The following CCDC148 variants were observed in gnomAD, a reference collection of about 807,000 sequenced individuals.
CCDC148 encodes the protein coiled-coil domain-containing protein 148.
A neutral mutation model predicts 85.7 loss-of-function variants in CCDC148; 89 were observed. That is an observed-to-expected ratio of 1.04 (90% CI 0.87 to 1.24). The LOEUF is 1.24. Among genes scored for constraint, CCDC148 ranks in the 50% most tolerant of loss-of-function variants. CCDC148 has a pLI of 0.00. For synonymous variants in CCDC148, 230 were observed against 213.9 expected (o/e 1.08, Z -0.66); for missense variants, 692 against 671.7 (o/e 1.03, Z -0.33).
chr2:158,411,879 T>TCTGTAA (rs1278751289), intron 1 of CCDC148, among the ~76,000 whole-genome samples: 1 of 151,972 alleles, frequency 6.6e-6, no homozygotes, highest in Admixed American at 6.6e-5. Context: ...ACTAGCTGGG[T>TCTGTAA]GGGATGTGCA....
chr2:158,254,631 A>C (rs117439871), intron 9 of CCDC148, among the ~76,000 whole-genome samples: 12,460 of 151,688 alleles, frequency 0.082, 707 homozygotes, highest in Admixed American at 0.16. Flanking sequence ...AGGAAGGAAG[A>C]TCTGTAATAC....
intron 1 of CCDC148, among the ~76,000 whole-genome samples, chr2:158,423,170 C>G (rs1030954495): frequency 6.6e-6 from 1 of 152,030 alleles, no homozygotes; most frequent in Admixed American, 6.6e-5. Context: ...GTAATTTATA[C>G]ATTCAATGCC....
At chr2:158,455,807 T>C (rs1199494364) in intron 1 of CCDC148, among the ~76,000 whole-genome samples, 1 of 152,198 alleles carries the variant, frequency 6.6e-6, no homozygotes, top group Admixed American at 6.5e-5. Context: ...AAAAAACAAT[T>C]AGTATTGATA....
chr2:158,388,057 T>C (rs1685162405), intron 1 of CCDC148, among the ~76,000 whole-genome samples: 1 of 152,136 alleles, frequency 6.6e-6, no homozygotes, highest in Non-Finnish European at 1.5e-5. Context: ...GGAAACTGGG[T>C]AGAGGAAACA....
intron 7 of CCDC148, among the ~76,000 whole-genome samples, chr2:158,326,404 G>A (rs184510208): frequency 6.6e-6 from 1 of 151,950 alleles, no homozygotes. Flanking sequence ...TAACACTACT[G>A]TGTATAATAT....
intron 1 of CCDC148, among the ~76,000 whole-genome samples, chr2:158,413,085 A>G (rs2105316322): frequency 6.6e-6 from 1 of 152,226 alleles, no homozygotes; most frequent in Non-Finnish European, 1.5e-5. Context: ...ACAAGGTACT[A>G]AAATAAACTT....
intron 1 of CCDC148, among the ~76,000 whole-genome samples, chr2:158,448,249 C>T (rs753383425): frequency 1.4e-4 from 21 of 152,160 alleles, no homozygotes; most frequent in Admixed American, 3.9e-4. Context: ...GCCAATATTA[C>T]ATCCTATTAT....
intron 11 of CCDC148, among the ~76,000 whole-genome samples, chr2:158,181,690 G>A (rs1684910905): frequency 6.6e-6 from 1 of 152,118 alleles, no homozygotes; most frequent in African/African-American, 2.4e-5. Flanking sequence ...AGCATTTGAA[G>A]GCCCAGAGGT....
intron 10 of CCDC148, among the ~76,000 whole-genome samples, chr2:158,236,725 T>A (rs1438916781): frequency 3.3e-5 from 5 of 152,198 alleles, no homozygotes; most frequent in Non-Finnish European, 7.3e-5. Flanking sequence ...ACCTCTCAGC[T>A]TGGCATGCTT....
chr2:158,307,484 A>C (rs890809459), intron 9 of CCDC148, among the ~76,000 whole-genome samples: 1 of 152,230 alleles, frequency 6.6e-6, no homozygotes, highest in African/African-American at 2.4e-5. Context: ...TTGGAAAACT[A>C]TTTGGCAGTA....
At chr2:158,364,683 A>G (rs137978512) in intron 1 of CCDC148, among the ~76,000 whole-genome samples, 1 of 152,358 alleles carries the variant, frequency 6.6e-6, no homozygotes, top group East Asian at 1.9e-4. Context: ...AAAGACTTAA[A>G]TATAAGACCT....
In CCDC148 at chr2:158,309,537, C is replaced by T; in HGVS notation, c.1006G>A (p.Ala336Thr). The change falls in exon 9 of 14, where the codon GCT (alanine) becomes ACT (threonine). Residue 336 changes from alanine (A) to threonine (T), a missense_variant. Transcript: ENST00000283233. ...CAAGCCTCAGTGAGTGTCAGCACAG[C>T]CTTCTGTATAAAGTCTTTCTTATTT... The part of the protein sequence containing the change: ...NKNKKDFIQK[A>T]VLTLTEACAT... 1.6e-5 allele frequency: 26 copies of T among 1,613,770 alleles called. No individual in the cohort carries two copies. The highest frequency in any genetic ancestry group is 2.2e-5 in the Non-Finnish European group (26 of 1,179,704).
At chr2:158,348,110 A>G (rs1237939111) in intron 2 of CCDC148, among the ~76,000 whole-genome samples, 2 of 152,128 alleles carry the variant, frequency 1.3e-5, no homozygotes, top group Admixed American at 1.3e-4. Context: ...GACCTAGCAA[A>G]TTCATTTATA....
At chr2:158,332,103 G>T (rs528896180) in intron 7 of CCDC148, among the ~76,000 whole-genome samples, 1 of 152,172 alleles carries the variant, frequency 6.6e-6, no homozygotes, top group East Asian at 1.9e-4. Context: ...TCCTAGCCTT[G>T]ATGGTCTTTA....
At chr2:158,241,263 A>G (rs1688340836) in intron 10 of CCDC148, among the ~76,000 whole-genome samples, 2 of 152,220 alleles carry the variant, frequency 1.3e-5, no homozygotes, top group Non-Finnish European at 2.9e-5. Flanking sequence ...TTAATTTGCT[A>G]TATATGGGCA....
intron 10 of CCDC148, among the ~76,000 whole-genome samples, chr2:158,231,337 ATCT>A (rs1687849680): frequency 6.6e-6 from 1 of 152,120 alleles, no homozygotes; most frequent in Admixed American, 6.6e-5. Flanking sequence ...ACCTCCTCAA[ATCT>A]TCTCCTGAGC....
chr2:158,295,186 T>C (rs550879364), intron 9 of CCDC148, among the ~76,000 whole-genome samples: 1 of 152,202 alleles, frequency 6.6e-6, no homozygotes, highest in South Asian at 2.1e-4. Context: ...AGAAGTTGAA[T>C]CTCTGAAGAG....
intron 3 of CCDC148, among the ~76,000 whole-genome samples, chr2:158,344,334 A>G (rs1435135438): frequency 6.6e-6 from 1 of 152,116 alleles, no homozygotes; most frequent in Non-Finnish European, 1.5e-5. Flanking sequence ...AACCACTTTC[A>G]ATTATAAGCC....
chr2:158,285,288 CAA>C lies in CCDC148; in HGVS notation c.1110+24143_1110+24144del, dbSNP rs536016379. 2.8e-3 allele frequency among the ~76,000 whole-genome samples: 271 copies of C among 96,170 alleles called. 1 individual carries two copies. The highest frequency in any genetic ancestry group is 8.1e-3 in the African/African-American group (206 of 25,564). 63.1% of individuals were successfully genotyped at this position (96,170 alleles called of 152,430 possible). A position where few individuals can be genotyped will look rare whatever the true frequency, so the allele number is the denominator to read the frequency against. ...GGGCAGCAGGAGTAAAACTCCATTT[CAA>C]AAAAAAAAAAAAAAAATCAGTGTAT... On this transcript the variant is annotated intron_variant, in intron 9 of 13. Transcript: ENST00000283233.
Sources: allele counts gnomAD v4.1 joint callset (sites outside exome capture counted in the v4.1 genomes callset), GRCh38; gene constraint gnomAD v4.1.1; transcripts MANE v1.5; gene names NCBI Gene and HGNC (gene_info 2026-07-23, HGNC 2026-07-21).